Variants in P3H2 observed in about 807,000 individuals in gnomAD.
P3H2 encodes prolyl 3-hydroxylase 2, also known as leprecan-like 1.
Under a neutral mutation model 87.0 loss-of-function variants are expected in P3H2, and 80 were observed. That is an observed-to-expected ratio of 0.92 (90% CI 0.77 to 1.11). The LOEUF (loss-of-function observed/expected upper bound fraction) is 1.11. Ranked by LOEUF, P3H2 falls within the 50% of genes least tolerant of loss-of-function variation. P3H2 has a pLI of 0.00. For missense variants in P3H2, 1,001 were observed against 923.9 expected (o/e 1.08, Z -1.08); for synonymous variants, 367 against 359.3 (o/e 1.02, Z -0.24).
At chr3:190,070,678 T>C (rs1726670372) in intron 1 of P3H2, among the ~76,000 whole-genome samples, 1 of 152,184 alleles carries the variant, frequency 6.6e-6, no homozygotes. Flanking sequence ...AAGTTCTTAT[T>C]ACTAACAATC....
At chr3:189,984,790 A>T (rs910812076) in intron 6 of P3H2, among the ~76,000 whole-genome samples, 200 bp from the exon 7 acceptor site, 1 of 152,172 alleles carries the variant, frequency 6.6e-6, no homozygotes, top group African/African-American at 2.4e-5. Context: ...AGATTTGGCA[A>T]GGAAAAAATG....
intron 1 of P3H2, among the ~76,000 whole-genome samples, chr3:190,048,942 T>C (rs867323227): frequency 6.6e-6 from 1 of 152,302 alleles, no homozygotes; most frequent in African/African-American, 2.4e-5. Context: ...TGCAAATGTG[T>C]GTAGTTAGCA....
At chr3:189,990,360 A>G (rs1379065479) in intron 3 of P3H2, among the ~76,000 whole-genome samples, 2 of 152,202 alleles carry the variant, frequency 1.3e-5, no homozygotes, top group African/African-American at 4.8e-5. Flanking sequence ...AAAAATAAAC[A>G]ACCTTCAACT....
At chr3:190,089,016 T>C (rs1727318729) in intron 1 of P3H2, among the ~76,000 whole-genome samples, 1 of 152,210 alleles carries the variant, frequency 6.6e-6, no homozygotes, top group Non-Finnish European at 1.5e-5. Flanking sequence ...GTCTTCGCCA[T>C]GGCCCCCGTG....
intron 13 of P3H2, among the ~76,000 whole-genome samples, chr3:189,967,541 A>G (rs1191513325): frequency 6.6e-6 from 1 of 150,762 alleles, no homozygotes; most frequent in East Asian, 2.0e-4. Context: ...TTTGTACCTC[A>G]GTTTCAGTGT....
intron 8 of P3H2, among the ~76,000 whole-genome samples, chr3:189,979,791 G>A (rs538584126): frequency 2.0e-5 from 3 of 151,202 alleles, no homozygotes; most frequent in Non-Finnish European, 4.4e-5. Flanking sequence ...GTGAAACCCC[G>A]TCTCTACTAA....
chr3:189,959,602 A>G (rs891764885), intron 14 of P3H2, among the ~76,000 whole-genome samples: 2 of 151,550 alleles, frequency 1.3e-5, no homozygotes, highest in African/African-American at 4.9e-5. Flanking sequence ...ACTTACCTCA[A>G]GCTCCCTGAA....
chr3:190,019,815 T>TAC lies in P3H2; in HGVS notation c.481-24375_481-24374dup, dbSNP rs1370381920. 8.1e-5 allele frequency among the ~76,000 whole-genome samples: 10 copies of TAC among 122,844 alleles called. 2 individuals carry two copies. Among genetic ancestry groups the TAC allele is most frequent in the Non-Finnish European group, 1.8e-4 (10 of 56,876 alleles). The allele number at this position is 122,844 out of a possible 152,430, so 80.6% of individuals were successfully genotyped here. On this transcript the variant is annotated intron_variant, in intron 1 of 14. Transcript: ENST00000319332. Reference sequence around the variant, plus strand: ...ATATATATATATATATATATATATATACTCACAAACCCACAATTGATGCTT... The same window carrying TAC: ...ATATATATATATATATATATATATATACACTCACAAACCCACAATTGATGCTT...
intron 6 of P3H2, 130 bp from the exon 7 acceptor site, chr3:189,984,720 G>A (rs1283426555): frequency 3.1e-6 from 2 of 655,574 alleles, no homozygotes; most frequent in Non-Finnish European, 5.4e-6. Flanking sequence ...TGCATATTGT[G>A]TAAAGATACA....
Position 190,120,243 on chromosome 3 carries a change from T to C in P3H2, c.480+9A>G. On this transcript the variant is annotated intron_variant, in intron 1 of 14. Coordinates refer to ENST00000319332, the MANE Select transcript of P3H2 (RefSeq NM_018192.4). Reference sequence around the variant, plus strand: ...GGGGCTTTGCAGTGGAGGAGCGCTCTGTGGGTACCTTGATGTAGGCCCGCT... The same window carrying C: ...GGGGCTTTGCAGTGGAGGAGCGCTCCGTGGGTACCTTGATGTAGGCCCGCT... 1 of 1,609,000 alleles carries C rather than the reference T, an allele frequency of 6.2e-7. No homozygotes were observed. The highest frequency in any genetic ancestry group is 8.5e-7 in the Non-Finnish European group (1 of 1,178,560).
At chr3:190,001,743 G>C (rs1404096849) in intron 1 of P3H2, among the ~76,000 whole-genome samples, 2 of 151,356 alleles carry the variant, frequency 1.3e-5, no homozygotes, top group African/African-American at 2.4e-5. Flanking sequence ...TAAGATGTGT[G>C]TGTGTATACA....
Position 190,120,660 on chromosome 3 carries a change from G to GC in P3H2, c.71dup (p.Gly25ArgfsTer82). The stretch of plus-strand genomic sequence containing the variant: ...CCCGGCGTGGGCTGTCCGGGGGGCC[G>GC]CCCCACAGTGGCGGCGGCAGTAGCA... On this transcript the variant is annotated frameshift_variant, in exon 1 of 15. Coordinates refer to ENST00000319332, the MANE Select transcript of P3H2 (RefSeq NM_018192.4). LOFTEE classifies it high-confidence loss of function. The GC allele has an allele frequency of 6.6e-7, 1 of 1,523,726 alleles. No individual in the cohort carries two copies. Among genetic ancestry groups the GC allele is most frequent in the Non-Finnish European group, 8.8e-7 (1 of 1,142,580 alleles). The allele number at this position is 1,523,726 out of a possible 1,614,324, so 94.4% of individuals were successfully genotyped here. A position where few individuals can be genotyped will look rare whatever the true frequency, so the allele number is the denominator to read the frequency against.
At chr3:190,116,973 A>G (rs1712312909) in intron 1 of P3H2, among the ~76,000 whole-genome samples, 1 of 152,096 alleles carries the variant, frequency 6.6e-6, no homozygotes, top group Non-Finnish European at 1.5e-5. Flanking sequence ...AGACAAGGAT[A>G]TACTCATCCC....
At chr3:189,997,170 C>T (rs1277299603) in intron 1 of P3H2, among the ~76,000 whole-genome samples, 1 of 152,144 alleles carries the variant, frequency 6.6e-6, no homozygotes, top group Non-Finnish European at 1.5e-5. Flanking sequence ...TATGGGCACA[C>T]ACCACCATGC....
chr3:190,044,822 C>T (rs1030794536), intron 1 of P3H2, among the ~76,000 whole-genome samples: 6 of 151,784 alleles, frequency 4.0e-5, no homozygotes, highest in Non-Finnish European at 5.9e-5. Flanking sequence ...TATGATTTAG[C>T]GGAGGGAAGA....
intron 1 of P3H2, among the ~76,000 whole-genome samples, chr3:190,042,635 G>A (rs1725672978): frequency 6.6e-6 from 1 of 152,174 alleles, no homozygotes; most frequent in African/African-American, 2.4e-5. Context: ...TAAAAGTACA[G>A]TATGTTCTAC....
intron 1 of P3H2, among the ~76,000 whole-genome samples, chr3:190,017,399 A>C (rs990782418): frequency 1.3e-5 from 2 of 152,214 alleles, no homozygotes; most frequent in African/African-American, 4.8e-5. Context: ...AAAATATTTC[A>C]AAAAGGTATT....
intron 1 of P3H2, among the ~76,000 whole-genome samples, chr3:190,063,757 A>T (rs1195477871): frequency 1.3e-5 from 2 of 152,034 alleles, no homozygotes; most frequent in African/African-American, 4.8e-5. Context: ...GAGACTTCCG[A>T]GCTGCCTCTG....
intron 10 of P3H2, among the ~76,000 whole-genome samples, chr3:189,973,507 C>CTTTTTTTTTTTTTTTTTTTTTTTTTTTT (rs879286759): frequency 3.8e-5 from 3 of 78,990 alleles, no homozygotes; most frequent in African/African-American, 1.4e-4. Flanking sequence ...TTCTTTCTTT[C>CTTTTTTTTTTTTTTTTTTTTTTTTTTTT]TTTCTTTTTT....
Sources: allele counts gnomAD v4.1 joint callset (sites outside exome capture counted in the v4.1 genomes callset), GRCh38; gene constraint gnomAD v4.1.1; transcripts MANE v1.5; gene names NCBI Gene and HGNC (gene_info 2026-07-23, HGNC 2026-07-21).